The following UTP20 variants were observed in gnomAD, a reference collection of about 807,000 sequenced individuals.
UTP20 encodes the protein small subunit processome component 20 homolog.
In UTP20, 164 loss-of-function variants were observed where a neutral mutation model predicts 329.5. The ratio of observed to expected loss-of-function variants is 0.50; its 90% confidence interval spans 0.44 to 0.57. The LOEUF (loss-of-function observed/expected upper bound fraction) is 0.57. Ranked by LOEUF, UTP20 falls within the 20% of genes least tolerant of loss-of-function variation. UTP20 has a pLI of 0.00. For missense variants in UTP20, 3,055 were observed against 3,284.2 expected, an observed-to-expected ratio of 0.93 and a Z score of 1.71; for synonymous variants, 1,151 against 1,159.3, an observed-to-expected ratio of 0.99 and a Z score of 0.14.
rs140971531 is a variant in UTP20, at chr12:101,344,703, C to T, written c.4558C>T (p.Arg1520Cys). Residue 1520 changes from arginine (R) to cysteine (C), a missense_variant, in exon 36 of 62, where the codon CGT becomes TGT. Transcript: ENST00000261637. ...TEKDYREIIH[R>C]SLLEKLRKGL... ...GAAAGACTATAGAGAAATCATCCAC[C>T]GTTCACTCCTGGAGAAATTGAGAAA... The T allele has an allele frequency of 4.3e-5, 69 of 1,613,494 alleles. No homozygotes were observed. The Middle Eastern group carries it at 4.9e-4, about 12-fold the overall frequency.
At chr12:101,332,692 A>C (rs1365853076) in intron 27 of UTP20, among the ~76,000 whole-genome samples, 2 of 152,184 alleles carry the variant, frequency 1.3e-5, no homozygotes, top group Non-Finnish European at 2.9e-5. Flanking sequence ...GTATGTTGAG[A>C]TCTTCCTATC....
At chr12:101,305,821 T>C (rs1872630452) in intron 15 of UTP20, 94 bp from the exon 16 acceptor site, 1 of 1,334,938 alleles carries the variant, frequency 7.5e-7, no homozygotes, top group Admixed American at 2.9e-5. Context: ...TTTTACATTT[T>C]CTTCATCAGT....
Position 101,280,262 on chromosome 12 carries a change from G to C in UTP20, c.-21G>C. The C allele has an allele frequency of 7.1e-6, 11 of 1,551,688 alleles. No homozygotes were observed. The highest frequency in any genetic ancestry group is 8.7e-6 in the Non-Finnish European group (10 of 1,146,970). On this transcript the variant is annotated 5_prime_UTR_variant, in exon 1 of 62. Transcript: ENST00000261637. The stretch of plus-strand genomic sequence containing the variant: ...CTTCGACACTCCCGAGGCCGTCGCG[G>C]GCCACTGGCCCTCTGCAGCCATGAA...
intron 8 of UTP20, chr12:101,291,210 A>C (rs746362759): frequency 9.9e-6 from 2 of 202,944 alleles, no homozygotes; most frequent in Non-Finnish European, 9.8e-6. Context: ...GGGGGTAGTA[A>C]TATTCTCTCC....
intron 38 of UTP20, among the ~76,000 whole-genome samples, chr12:101,351,525 A>AC (rs1491006332): frequency 8.5e-5 from 11 of 128,732 alleles, no homozygotes; most frequent in Non-Finnish European, 1.4e-4. Context: ...GAGGCAGTGT[A>AC]CTTTTTTTTT....
chr12:101,287,623 G>A (rs576104888), intron 5 of UTP20, among the ~76,000 whole-genome samples: 3 of 152,290 alleles, frequency 2.0e-5, no homozygotes, highest in South Asian at 2.1e-4. Flanking sequence ...GCCAGGCCCT[G>A]TTTGGTTGCC....
rs757523387 is a variant in UTP20, at chr12:101,362,065, G to A, written c.5790+5G>A. On this transcript the variant is annotated splice_donor_5th_base_variant and intron_variant, in intron 44 of 61. Transcript: ENST00000261637. ...TGTTTAGATATAATGATTGAGGTAAGACTTACAGAAACGAATTCTAATTTT... is the reference window on the plus strand; with the variant it reads ...TGTTTAGATATAATGATTGAGGTAAAACTTACAGAAACGAATTCTAATTTT... 2.2e-5 allele frequency: 35 copies of A among 1,605,648 alleles called. No individual in the cohort carries two copies. Among genetic ancestry groups the A allele is most frequent in the Non-Finnish European group, 2.8e-5 (33 of 1,176,116 alleles).
At chr12:101,329,821 T>C (rs1297955535) in intron 27 of UTP20, among the ~76,000 whole-genome samples, 1 of 151,780 alleles carries the variant, frequency 6.6e-6, no homozygotes, top group Non-Finnish European at 1.5e-5. Flanking sequence ...CTGGACAACA[T>C]AGCAAGACCC....
At chr12:101,314,748 GGAT>G (rs1018611143) in intron 21 of UTP20, among the ~76,000 whole-genome samples, 1 of 152,092 alleles carries the variant, frequency 6.6e-6, no homozygotes, top group Non-Finnish European at 1.5e-5. Flanking sequence ...ACAGACATAG[GGAT>G]GTAGGTGGAG....
In UTP20 at chr12:101,355,177, T is replaced by C. The variant is rs1869680022; in HGVS notation, c.5394+59T>C. 2.6e-6 allele frequency: 4 copies of C among 1,540,866 alleles called. No homozygotes were observed. In the East Asian group the frequency reaches 6.8e-5, roughly 26 times the overall value. ...GTGAATTCTGGTGTTGGTGGAGCCC[T>C]GTCACACTGAGGCTCTTGGTGATTA... On this transcript the variant is annotated intron_variant, in intron 41 of 61. Coordinates refer to ENST00000261637, the MANE Select transcript of UTP20 (RefSeq NM_014503.3).
intron 55 of UTP20, among the ~76,000 whole-genome samples, chr12:101,375,262 A>G (rs902594655): frequency 1.3e-5 from 2 of 151,040 alleles, no homozygotes; most frequent in Non-Finnish European, 3.0e-5. Context: ...CCCTGACTCA[A>G]AAAAAAAATG....
chr12:101,293,265 C>T lies in UTP20; in HGVS notation c.1251+20C>T, dbSNP rs2290720. 615,533 of 1,605,336 alleles carry T rather than the reference C, an allele frequency of 0.38. 121,286 individuals carry two copies. Among genetic ancestry groups the T allele is most frequent in the Middle Eastern group, 0.44 (2,670 of 6,018 alleles). ...GAGCAGGTAAGCAAGTTACTAAGTT[C>T]GGAGTATTTTTAAAAACAAATCTGT... On this transcript the variant is annotated intron_variant, in intron 11 of 61. Transcript: ENST00000261637.
chr12:101,333,645 A>AT (rs1158042656), intron 28 of UTP20, among the ~76,000 whole-genome samples: 1 of 152,168 alleles, frequency 6.6e-6, no homozygotes, highest in African/African-American at 2.4e-5. Flanking sequence ...CTGCTGTACC[A>AT]TGGCATTTAC....
chr12:101,290,759 A>G lies in UTP20; in HGVS notation c.762A>G (p.Leu254=), dbSNP rs1317372240. ...CAGTGAAGCTAATTTTGCGAAAGCT[A>G]GGACCAGTCACTGAAACAGAAACTC... is the stretch of plus-strand genomic sequence containing the variant. ...GQAVKLILRK[L]GPVTETETQL... is the part of the protein sequence containing the mutation. Residue 254 remains leucine (L), a synonymous_variant, in exon 8 of 62, where the codon CTA becomes CTG. Transcript: ENST00000261637. The G allele has an allele frequency of 6.2e-7, 1 of 1,612,446 alleles. No homozygotes were observed.
chr12:101,366,439 C>A (rs1198276202), intron 46 of UTP20, 119 bp from the exon 47 acceptor site: 14 of 1,330,984 alleles, frequency 1.1e-5, no homozygotes, highest in African/African-American at 1.5e-5. Context: ...GGGGCAAAAC[C>A]CAAGCAAATG....
chr12:101,318,673 A>G (rs1873051448), intron 22 of UTP20, among the ~76,000 whole-genome samples: 1 of 151,970 alleles, frequency 6.6e-6, no homozygotes, highest in South Asian at 2.1e-4. Context: ...TCTACTGAAA[A>G]TATAAAAATT....
At chr12:101,308,858 G>A (rs186647289) in intron 18 of UTP20, among the ~76,000 whole-genome samples, 61 of 151,802 alleles carry the variant, frequency 4.0e-4, no homozygotes, top group African/African-American at 1.4e-3. Flanking sequence ...TCAGCCTCCC[G>A]AGTTGCTGGA....
At chr12:101,344,356 G>A (rs563667630) in intron 35 of UTP20, among the ~76,000 whole-genome samples, 3 of 152,324 alleles carry the variant, frequency 2.0e-5, no homozygotes, top group Admixed American at 1.3e-4. Context: ...ACATTTCATA[G>A]TGCTGCCTGA....
chr12:101,375,879 G>A, intron 56 of UTP20, 123 bp downstream of exon 56: 1 of 618,524 alleles, frequency 1.6e-6, no homozygotes, highest in Non-Finnish European at 2.7e-6. Context: ...AAGAGTCCAT[G>A]AGAAAAAACC....
Sources: allele counts gnomAD v4.1 joint callset (sites outside exome capture counted in the v4.1 genomes callset), GRCh38; gene constraint gnomAD v4.1.1; transcripts MANE v1.5; gene names NCBI Gene and HGNC (gene_info 2026-07-23, HGNC 2026-07-21).